The following LEFTY2 variants were observed in gnomAD, a reference collection of about 807,000 sequenced individuals.
The protein encoded by LEFTY2 is TGF-beta-4.
A neutral mutation model predicts 26.4 loss-of-function variants in LEFTY2; 10 were observed. The ratio of observed to expected loss-of-function variants is 0.38; its 90% confidence interval spans 0.23 to 0.64. The LOEUF (loss-of-function observed/expected upper bound fraction) is 0.64. LEFTY2 is among the 30% of genes least tolerant of loss of function. LEFTY2 has a pLI of 0.56. For missense variants in LEFTY2, 407 were observed against 502.1 expected, an observed-to-expected ratio of 0.81 and a Z score of 1.81; for synonymous variants, 204 against 234.1, an observed-to-expected ratio of 0.87 and a Z score of 1.17.
In LEFTY2 at chr1:225,941,082, G is replaced by A. The variant is rs958707748; in HGVS notation, c.59C>T (p.Ala20Val). Residue 20 changes from alanine (A) to valine (V), a missense_variant, in exon 1 of 4, where the codon GCG (alanine) becomes GTG (valine). Transcript: ENST00000366820. Reference protein sequence around the residue: ...LWVLPLAGPGAALTEEQLLGS... With the variant: ...LWVLPLAGPGVALTEEQLLGS... ...CAGGAGCTGCTCCTCGGTCAGGGCC[G>A]CCCCGGGGCCAGCCAGGGGCAGCAC... 8.8e-6 allele frequency: 14 copies of A among 1,597,504 alleles called. No individual in the cohort carries two copies. The highest frequency in any genetic ancestry group is 3.4e-5 in the Admixed American group (2 of 58,726).
chr1:225,939,529 A>G lies in LEFTY2; in HGVS notation c.569T>C (p.Leu190Pro), dbSNP rs753978139. 2 of 1,611,316 alleles carry G rather than the reference A, an allele frequency of 1.2e-6. No homozygotes were observed. Among genetic ancestry groups the G allele is most frequent in the South Asian group, 2.2e-5 (2 of 91,036 alleles). ...CAGCAGCGGCTGCCGGGGCCGGCTC[A>G]GCTGCTGCCAGAAGTTCACGGCCTC... ...VTEAVNFWQQ[L>P]SRPRQPLLLQ... The change falls in exon 3 of 4, where the codon CTG (leucine) becomes CCG (proline). Residue 190 changes from leucine to proline, a missense_variant. Coordinates refer to ENST00000366820, the MANE Select transcript of LEFTY2 (RefSeq NM_003240.5). The surrounding 1 kb of genome is among the most constrained non-coding windows in gnomAD (Gnocchi z 4.1).
chr1:225,937,522 C>T lies in LEFTY2; in HGVS notation c.1020G>A (p.Val340=). The T allele has an allele frequency of 4.3e-6, 7 of 1,614,026 alleles. No homozygotes were observed. Among genetic ancestry groups the T allele is most frequent in the Non-Finnish European group, 5.1e-6 (6 of 1,180,032 alleles). Residue 340 remains valine (V), a synonymous_variant, in exon 4 of 4, where the codon GTG becomes GTA. Coordinates refer to ENST00000366820, the MANE Select transcript of LEFTY2 (RefSeq NM_003240.5). ...IKEGGRTRPQ[V]VSLPNMRVQK... is the part of the protein sequence containing the mutation. ...GCACCCTCATGTTGGGCAGGCTGAC[C>T]ACCTGGGGCCTGGTCCTGCCTCCCT... is the stretch of plus-strand genomic sequence containing the variant.
rs1431593572 is a variant in LEFTY2, at chr1:225,939,770, G to A, written c.483C>T (p.Ser161=). 3.8e-6 allele frequency: 6 copies of A among 1,590,898 alleles called. No homozygotes were observed. Among genetic ancestry groups the A allele is most frequent in the Middle Eastern group, 2.2e-4 (1 of 4,546 alleles). Residue 161 remains serine, a synonymous_variant, in exon 2 of 4, where the codon TCC becomes TCT. Coordinates refer to ENST00000366820, the MANE Select transcript of LEFTY2 (RefSeq NM_003240.5). This position sits in a 1 kb window ranked among gnomAD's most constrained non-coding sequence, Gnocchi z 4.1. ...RVRDDGSNRT[S]LIDSRLVSVH... ...GCGACCCCCACCTGGAGTCGATGAGGGAGGTGCGGTTGGAGCCGTCGTCGC... is the reference window on the plus strand; with the variant it reads ...GCGACCCCCACCTGGAGTCGATGAGAGAGGTGCGGTTGGAGCCGTCGTCGC...
intron 1 of LEFTY2, chr1:225,940,239 G>A: frequency 3.0e-6 from 2 of 669,616 alleles, no homozygotes; most frequent in Non-Finnish European, 5.1e-6. Context: ...GAGATGCTGG[G>A]AGCAGAATCC....
chr1:225,938,866 C>CTTTTTTTTT (rs34986398), intron 3 of LEFTY2, among the ~76,000 whole-genome samples: 2 of 113,084 alleles, frequency 1.8e-5, no homozygotes, highest in Non-Finnish European at 3.4e-5. Context: ...TCTTTGTTTC[C>CTTTTTTTTT]TTTTTTTTTT....
Position 225,937,564 on chromosome 1 carries a change from C to G in LEFTY2, c.978G>C (p.Met326Ile), listed in dbSNP as rs1279793988. The G allele has an allele frequency of 6.2e-7, 1 of 1,614,078 alleles. No homozygotes were observed. The highest frequency in any genetic ancestry group is 8.5e-7 in the Non-Finnish European group (1 of 1,180,034). The change falls in exon 4 of 4, where the codon ATG becomes ATC. Residue 326 changes from methionine to isoleucine, a missense_variant. Coordinates refer to ENST00000366820, the MANE Select transcript of LEFTY2 (RefSeq NM_003240.5). ...TGCCTCCCTCCTTGATGCTGACGAT[C>G]ATGGGCAGCGAGGCAGTCTCCGAGG... is the stretch of plus-strand genomic sequence containing the variant. ...CIASETASLPMIVSIKEGGRT... is the reference protein window; with the variant it reads ...CIASETASLPIIVSIKEGGRT...
In LEFTY2 at chr1:225,939,600, C is replaced by T. The variant is rs773816996; in HGVS notation, c.498G>A (p.Arg166=). ...AGCCGCTCTCGTGGACGGACACCAGCCTGAGACATGATACACACGACACGG... is the reference window on the plus strand; with the variant it reads ...AGCCGCTCTCGTGGACGGACACCAGTCTGAGACATGATACACACGACACGG... ...GSNRTSLIDS[R]LVSVHESGWK... Residue 166 remains arginine (R), a splice_region_variant and synonymous_variant, in exon 3 of 4, where the codon AGG becomes AGA. Transcript: ENST00000366820. The surrounding 1 kb of genome is among the most constrained non-coding windows in gnomAD (Gnocchi z 4.1). 1.9e-6 allele frequency: 3 copies of T among 1,612,494 alleles called. No individual in the cohort carries two copies. The East Asian group carries it at 6.7e-5, about 36-fold the overall frequency.
In LEFTY2 at chr1:225,940,263, T is replaced by TCACCCAGCTGCCTCACCCAGCTA. The variant is rs141162559; in HGVS notation, c.251-262_251-261insTAGCTGGGTGAGGCAGCTGGGTG. Among the ~76,000 whole-genome samples, 6 of 152,206 alleles carry TCACCCAGCTGCCTCACCCAGCTA rather than the reference T, an allele frequency of 3.9e-5. 1 individual carries two copies. Among genetic ancestry groups the TCACCCAGCTGCCTCACCCAGCTA allele is most frequent in the Admixed American group, 3.9e-4 (6 of 15,274 alleles). On this transcript the variant is annotated intron_variant, in intron 1 of 3. Coordinates refer to ENST00000366820, the MANE Select transcript of LEFTY2 (RefSeq NM_003240.5). ...GGAGCAGAATCCTCACCCAGGTGCC[T>TCACCCAGCTGCCTCACCCAGCTA]GGCACTGGCTCTAGCTCTGGGCACT...
At chr1:225,940,636 C>T (rs1036290666) in intron 1 of LEFTY2, among the ~76,000 whole-genome samples, 10 of 152,176 alleles carry the variant, frequency 6.6e-5, no homozygotes, top group African/African-American at 2.4e-4. Context: ...CCTCTACCCT[C>T]CCCTTCTCTG....
intron 3 of LEFTY2, among the ~76,000 whole-genome samples, chr1:225,938,458 A>G (rs1672210365): frequency 6.6e-6 from 1 of 152,228 alleles, no homozygotes; most frequent in African/African-American, 2.4e-5. Context: ...AAATCATACA[A>G]TTCTCCTGCC....
Position 225,937,450 on chromosome 1 carries a change from G to T in LEFTY2, c.1092C>A (p.Leu364=), listed in dbSNP as rs1672177938. Reference sequence around the variant, plus strand: ...TGGATACACCAGGCGCCTATGGCTGGAGCCTCCTTGGCACGAGCGCCCCAT... The same window carrying T: ...TGGATACACCAGGCGCCTATGGCTGTAGCCTCCTTGGCACGAGCGCCCCAT... ...ASDGALVPRR[L]QP is the part of the protein sequence containing the mutation. The change falls in exon 4 of 4, where the codon CTC becomes CTA. Residue 364 remains leucine (L), a synonymous_variant. Coordinates refer to ENST00000366820, the MANE Select transcript of LEFTY2 (RefSeq NM_003240.5). The T allele has an allele frequency of 6.2e-7, 1 of 1,613,824 alleles. No individual in the cohort carries two copies. Among genetic ancestry groups the T allele is most frequent in the East Asian group, 2.2e-5 (1 of 44,904 alleles).
rs1054502693 is a variant in LEFTY2, at chr1:225,939,755, C to T, written c.497+1G>A. 3 of 1,596,486 alleles carry T rather than the reference C, an allele frequency of 1.9e-6. No homozygotes were observed. The highest frequency in any genetic ancestry group is 2.6e-6 in the Non-Finnish European group (3 of 1,174,134). ...GCCCTGCGCGCCCGCGCGACCCCCACCTGGAGTCGATGAGGGAGGTGCGGT... is the reference window on the plus strand; with the variant it reads ...GCCCTGCGCGCCCGCGCGACCCCCATCTGGAGTCGATGAGGGAGGTGCGGT... On this transcript the variant is annotated splice_donor_variant, in intron 2 of 3. Transcript: ENST00000366820. LOFTEE classifies it high-confidence loss of function. The surrounding 1 kb of genome is among the most constrained non-coding windows in gnomAD (Gnocchi z 4.1).
Position 225,937,057 on chromosome 1 carries a change from G to A in LEFTY2, c.*384C>T. 1 of 332,614 alleles carries A rather than the reference G, an allele frequency of 3.0e-6. No homozygotes were observed. Among genetic ancestry groups the A allele is most frequent in the South Asian group, 2.8e-5 (1 of 35,402 alleles). The allele number at this position is 332,614 out of a possible 1,614,324, so 20.6% of individuals were successfully genotyped here. A position where few individuals can be genotyped will look rare whatever the true frequency, so the allele number is the denominator to read the frequency against. Reference sequence around the variant, plus strand: ...ATTTGGGGGAAATAGAGATTTGAAGGTTTTAATTCCTCATATAACACAGCA... The same window carrying A: ...ATTTGGGGGAAATAGAGATTTGAAGATTTTAATTCCTCATATAACACAGCA... On this transcript the variant is annotated 3_prime_UTR_variant, in exon 4 of 4. Transcript: ENST00000366820.
In LEFTY2 at chr1:225,939,898, G is replaced by T. The variant is rs746371252; in HGVS notation, c.355C>A (p.Arg119=). 2.6e-6 allele frequency: 4 copies of T among 1,559,422 alleles called. No individual in the cohort carries two copies. Among genetic ancestry groups the T allele is most frequent in the Non-Finnish European group, 3.4e-6 (4 of 1,160,836 alleles). Residue 119 remains arginine, a synonymous_variant, in exon 2 of 4, where the codon CGG becomes AGG. Coordinates refer to ENST00000366820, the MANE Select transcript of LEFTY2 (RefSeq NM_003240.5). The surrounding 1 kb of genome is among the most constrained non-coding windows in gnomAD (Gnocchi z 4.1). ...PNSELVQAVL[R]LFQEPVPKAA... ...TTGGGGACCGGCTCCTGGAAGAGCC[G>T]CAGCACGGCCTGCACCAGCTCGCTG...
chr1:225,939,693 C>T lies in LEFTY2; in HGVS notation c.497+63G>A. ...AGGACCCTGCACCGCCCCCTGCGTC[C>T]CCGCCCCCAAGCCGGGCCGAGCAGC... On this transcript the variant is annotated intron_variant, in intron 2 of 3. Coordinates refer to ENST00000366820, the MANE Select transcript of LEFTY2 (RefSeq NM_003240.5). The surrounding 1 kb of genome is among the most constrained non-coding windows in gnomAD (Gnocchi z 4.1). The T allele has an allele frequency of 6.2e-7, 1 of 1,609,184 alleles. No homozygotes were observed. The highest frequency in any genetic ancestry group is 1.1e-5 in the South Asian group (1 of 90,914).
At position 225,939,582 on chromosome 1, in the gene LEFTY2, C is replaced by G. The variant is rs1215591478; in HGVS notation, c.516G>C (p.Glu172Asp). 1 of 1,612,616 alleles carries G rather than the reference C, an allele frequency of 6.2e-7. No individual in the cohort carries two copies. The highest frequency in any genetic ancestry group is 8.5e-7 in the Non-Finnish European group (1 of 1,179,838). The stretch of plus-strand genomic sequence containing the variant: ...TCACGTCGAAGGCCTTCCAGCCGCT[C>G]TCGTGGACGGACACCAGCCTGAGAC... Reference protein sequence around the residue: ...LIDSRLVSVHESGWKAFDVTE... With the variant: ...LIDSRLVSVHDSGWKAFDVTE... The change falls in exon 3 of 4, where the codon GAG becomes GAC. Residue 172 changes from glutamate (E) to aspartate (D), a missense_variant. Transcript: ENST00000366820. This position sits in a 1 kb window ranked among gnomAD's most constrained non-coding sequence, Gnocchi z 4.1.
chr1:225,937,907 A>C (rs1398838857), intron 3 of LEFTY2, 103 bp from the exon 4 acceptor site: 81 of 1,408,878 alleles, frequency 5.7e-5, no homozygotes, highest in Non-Finnish European at 7.3e-5. Flanking sequence ...TTTATGATCC[A>C]GCTCTCACTA....
Position 225,939,623 on chromosome 1 carries a change from C to A in LEFTY2, c.498-23G>T, listed in dbSNP as rs548655695. On this transcript the variant is annotated intron_variant, in intron 2 of 3. Transcript: ENST00000366820. The surrounding 1 kb of genome is among the most constrained non-coding windows in gnomAD (Gnocchi z 4.1). ...AGCCTGAGACATGATACACACGACACGGAGACCCAGCGCCGCTTGAGGGCG... is the reference window on the plus strand; with the variant it reads ...AGCCTGAGACATGATACACACGACAAGGAGACCCAGCGCCGCTTGAGGGCG... 5.6e-6 allele frequency: 9 copies of A among 1,612,414 alleles called. No individual in the cohort carries two copies. The South Asian group carries it at 9.9e-5, about 18-fold the overall frequency.
In LEFTY2 at chr1:225,939,458, C is replaced by G. The variant is rs1672246241; in HGVS notation, c.640G>C (p.Gly214Arg). The change falls in exon 3 of 4, where the codon GGC becomes CGC. Residue 214 changes from glycine (G) to arginine (R), a missense_variant. Transcript: ENST00000366820. This position sits in a 1 kb window ranked among gnomAD's most constrained non-coding sequence, Gnocchi z 4.1. ...QREHLGPLAS[G>R]AHKLVRFASQ... ...GCAAAGCGGACCAGCTTGTGGGCGC[C>G]GGACGCCAGCGGGCCCAGATGCTCC... The G allele has an allele frequency of 6.2e-7, 1 of 1,610,182 alleles. No homozygotes were observed. The highest frequency in any genetic ancestry group is 1.3e-5 in the African/African-American group (1 of 74,876).
Sources: gnomAD v4.1 joint callset for allele counts (sites outside exome capture counted in the v4.1 genomes callset) on GRCh38, gnomAD v4.1.1 for gene constraint, Gnocchi (gnomAD v3.1) non-coding constraint, MANE v1.5 for transcripts, NCBI Gene and HGNC (gene_info 2026-07-23, HGNC 2026-07-21) for gene names.